AMACR: variants seen among roughly 807,000 people sequenced by gnomAD.
The protein encoded by AMACR is 2-methylacyl-CoA racemase.
A neutral mutation model predicts 22.2 loss-of-function variants in AMACR; 18 were observed. The ratio of observed to expected loss-of-function variants is 0.81; its 90% CI spans 0.56 to 1.20. The LOEUF (loss-of-function observed/expected upper bound fraction) is 1.20. Among genes scored for constraint, AMACR ranks in the 50% most tolerant of loss-of-function variants. The pLI, the probability that AMACR is intolerant of heterozygous loss-of-function variation, is 0.00. For synonymous variants in AMACR, 213 were observed against 191.3 expected, an observed-to-expected ratio of 1.11 and a Z score of -0.94; for missense variants, 499 against 490.6, an observed-to-expected ratio of 1.02 and a Z score of -0.16.
At chr5:33,997,254 T>C (rs1254558012) in intron 4 of AMACR, 1 of 771,012 alleles carries the variant, frequency 1.3e-6, no homozygotes, top group South Asian at 1.3e-5. Context: ...CCTTTCTTTA[T>C]TGGTCCGGAT....
chr5:34,006,102 T>G (rs1033575008), intron 1 of AMACR, among the ~76,000 whole-genome samples: 3 of 152,216 alleles, frequency 2.0e-5, no homozygotes, highest in Non-Finnish European at 4.4e-5. Flanking sequence ...CAGGATGTAA[T>G]TTCTCCCAGT....
At chr5:33,993,141 C>G (rs909638645) in intron 4 of AMACR, among the ~76,000 whole-genome samples, 6 of 152,200 alleles carry the variant, frequency 3.9e-5, no homozygotes, top group African/African-American at 1.4e-4. Context: ...TGAACTTGAC[C>G]ACTTTAGACA....
In AMACR at chr5:33,986,459, G is replaced by A. The variant is rs1753294832; in HGVS notation, c.*2634C>T. On this transcript the variant is annotated 3_prime_UTR_variant, in exon 5 of 5. Coordinates refer to ENST00000335606, the MANE Select transcript of AMACR (RefSeq NM_014324.6). Reference sequence around the variant, plus strand: ...TCCCCAGCAAGTATCATGATACCTGGCACCTAGTAGATCCTCAATAAACAT... The same window carrying A: ...TCCCCAGCAAGTATCATGATACCTGACACCTAGTAGATCCTCAATAAACAT... 2 of 152,154 alleles carry A rather than the reference G, an allele frequency of 1.3e-5. No individual in the cohort carries two copies. Among genetic ancestry groups the A allele is most frequent in the South Asian group, 4.1e-4 (2 of 4,826 alleles). The allele number at this position is 152,154 out of a possible 1,614,324, so 9.4% of individuals were successfully genotyped here. A position where few individuals can be genotyped will look rare whatever the true frequency, so the allele number is the denominator to read the frequency against.
intron 3 of AMACR, among the ~76,000 whole-genome samples, chr5:34,003,168 C>G (rs780542465): frequency 2.0e-5 from 3 of 152,192 alleles, no homozygotes; most frequent in Admixed American, 6.5e-5. Flanking sequence ...TTTCTGCCCA[C>G]GCATTCCTTA....
chr5:33,989,609 T>C, intron 4 of AMACR, 107 bp from the exon 5 acceptor site: 1 of 935,680 alleles, frequency 1.1e-6, no homozygotes, highest in Non-Finnish European at 1.6e-6. Context: ...AGATGTTCTA[T>C]AAGGGCTTCT....
Position 33,989,182 on chromosome 5 carries a change from G to T in AMACR, c.1060C>A (p.Leu354Ile). Residue 354 changes from leucine (L) to isoleucine (I), a missense_variant, in exon 5 of 5, where the codon CTT becomes ATT. By Grantham distance (5) the Leu-to-Ile change is conservative. Coordinates refer to ENST00000335606, the MANE Select transcript of AMACR (RefSeq NM_014324.6). ...PFIGEHTEEILEEFGFSREEI... is the reference protein window; with the variant it reads ...PFIGEHTEEIIEEFGFSREEI... ...TCGCGGCTGAATCCAAATTCTTCAA[G>T]TATCTCCTCAGTGTGTTCTCCTATG... 1.2e-6 allele frequency: 2 copies of T among 1,614,174 alleles called. No individual in the cohort carries two copies. Among genetic ancestry groups the T allele is most frequent in the Non-Finnish European group, 1.7e-6 (2 of 1,180,034 alleles).
intron 4 of AMACR, among the ~76,000 whole-genome samples, chr5:33,992,228 G>A (rs1753503073): frequency 1.3e-5 from 2 of 152,020 alleles, no homozygotes; most frequent in South Asian, 4.1e-4. Context: ...AAATGAACTT[G>A]CATAGGGAAT....
intron 3 of AMACR, among the ~76,000 whole-genome samples, chr5:34,003,775 C>G (rs890107839): frequency 7.9e-5 from 12 of 152,230 alleles, no homozygotes; most frequent in Non-Finnish European, 1.5e-4. Flanking sequence ...AGTACTTGCC[C>G]TGATCTCTTC....
intron 4 of AMACR, chr5:33,997,565 C>G (rs373505401): frequency 2.2e-5 from 17 of 772,242 alleles, no homozygotes; most frequent in African/African-American, 2.2e-4. Flanking sequence ...TTGCTATCTT[C>G]ATCAGACTGC....
At chr5:33,990,825 T>C (rs958232563) in intron 4 of AMACR, among the ~76,000 whole-genome samples, 4 of 152,208 alleles carry the variant, frequency 2.6e-5, no homozygotes, top group South Asian at 2.1e-4. Context: ...TATGAGGAAA[T>C]AGGAAGAACT....
intron 1 of AMACR, 37 bp downstream of exon 1, chr5:34,007,736 G>C (rs2112077296): frequency 6.6e-7 from 1 of 1,520,850 alleles, no homozygotes; most frequent in Non-Finnish European, 8.8e-7. Flanking sequence ...CCCTCCGCGG[G>C]AACTTCCCGA....
Position 33,988,874 on chromosome 5 carries a change from T to G in AMACR, c.*219A>C. 7.2e-7 allele frequency: 1 copy of G among 1,387,918 alleles called. No homozygotes were observed. 86.0% of individuals were successfully genotyped at this position (1,387,918 alleles called of 1,614,324 possible). Reference sequence around the variant, plus strand: ...TGGAAGGCAGAATAACTACCATAATTTAGTATAAGTACCCAAAGTTTTATA... The same window carrying G: ...TGGAAGGCAGAATAACTACCATAATGTAGTATAAGTACCCAAAGTTTTATA... On this transcript the variant is annotated 3_prime_UTR_variant, in exon 5 of 5. Transcript: ENST00000335606.
rs1753379514 is a variant in AMACR at position 33,988,854 on chromosome 5, G to A, written c.*239C>T. On this transcript the variant is annotated 3_prime_UTR_variant, in exon 5 of 5. Transcript: ENST00000335606. ...AACAAATATATCAAGCAAACTGGAA[G>A]GCAGAATAACTACCATAATTTAGTA... 1 of 1,357,056 alleles carries A rather than the reference G, an allele frequency of 7.4e-7. No individual in the cohort carries two copies. Among genetic ancestry groups the A allele is most frequent in the Non-Finnish European group, 9.5e-7 (1 of 1,057,430 alleles). 84.1% of individuals were successfully genotyped at this position (1,357,056 alleles called of 1,614,324 possible).
Position 34,005,742 on chromosome 5 carries a change from T to C in AMACR, c.391+14A>G. On this transcript the variant is annotated intron_variant, in intron 2 of 4. Coordinates refer to ENST00000335606, the MANE Select transcript of AMACR (RefSeq NM_014324.6). ...ATAAATTAAAAGTGTAGACTAAATT[T>C]TTTTTCAACATACCTGACAAAGCCA... is the stretch of plus-strand genomic sequence containing the variant. 1 of 1,613,906 alleles carries C rather than the reference T, an allele frequency of 6.2e-7. No homozygotes were observed. The highest frequency in any genetic ancestry group is 8.5e-7 in the Non-Finnish European group (1 of 1,180,000).
Position 33,989,496 on chromosome 5 carries a change from C to T in AMACR, c.746G>A (p.Gly249Glu). ...QFYELLIKGL[G>E]LKSDELPNQM... The stretch of plus-strand genomic sequence containing the variant: ...ATTGGGAAGTTCATCAGACTTTAGT[C>T]CAAGTCCTGAGGAAAAATACAATTT... The change falls in exon 5 of 5, where the codon GGA (glycine) becomes GAA (glutamate). Residue 249 changes from glycine (G) to glutamate (E), a missense_variant. Transcript: ENST00000335606. The T allele has an allele frequency of 1.2e-6, 2 of 1,613,694 alleles. No individual in the cohort carries two copies. The highest frequency in any genetic ancestry group is 2.2e-5 in the East Asian group (1 of 44,892).
At chr5:33,998,895 A>G in intron 3 of AMACR, 68 bp from the exon 4 acceptor site, 1 of 1,495,106 alleles carries the variant, frequency 6.7e-7, no homozygotes, top group Admixed American at 1.7e-5. Flanking sequence ...AATTCCTCCC[A>G]TTCAAGTTAA....
chr5:33,992,419 A>C (rs1202219613), intron 4 of AMACR, among the ~76,000 whole-genome samples: 1 of 150,864 alleles, frequency 6.6e-6, no homozygotes, highest in Non-Finnish European at 1.5e-5. Flanking sequence ...GTAAAACAGA[A>C]AATAATTGCT....
At chr5:34,004,455 C>T in intron 3 of AMACR, 119 bp downstream of exon 3, 1 of 1,325,928 alleles carries the variant, frequency 7.5e-7, no homozygotes, top group Non-Finnish European at 1.1e-6. Flanking sequence ...CCTTGGTAAC[C>T]TGGCTTGAAA....
At chr5:34,004,194 C>T (rs1236574293) in intron 3 of AMACR, among the ~76,000 whole-genome samples, 1 of 152,154 alleles carries the variant, frequency 6.6e-6, no homozygotes, top group Admixed American at 6.6e-5. Flanking sequence ...ACTTCTTGAA[C>T]TTTTTTTGAA....
Sources: allele counts gnomAD v4.1 joint callset (sites outside exome capture counted in the v4.1 genomes callset), GRCh38; gene constraint gnomAD v4.1.1; transcripts MANE v1.5; gene names NCBI Gene and HGNC (gene_info 2026-07-23, HGNC 2026-07-21).